C12orf57: variants seen among roughly 807,000 people sequenced by gnomAD.
C12orf57 encodes chromosome 12 open reading frame 57.
C12orf57 carries 14 observed loss-of-function variants against 11.3 expected under a neutral mutation model. The observed-to-expected ratio is 1.24, with a 90% confidence interval of 0.82 to 1.94. The LOEUF (loss-of-function observed/expected upper bound fraction) is 1.94, where lower values mean the gene tolerates loss of function less well. Among genes scored for constraint, C12orf57 ranks in the 30% most tolerant of loss-of-function variants. C12orf57 has a pLI of 0.00. For missense variants in C12orf57, 229 were observed against 172.4 expected, an observed-to-expected ratio of 1.33 and a Z score of -1.84; for synonymous variants, 100 against 74.6, an observed-to-expected ratio of 1.34 and a Z score of -1.76.
intron 1 of C12orf57, 78 bp downstream of exon 1, chr12:6,944,251 CG>C: frequency 6.2e-7 from 1 of 1,609,202 alleles, no homozygotes; most frequent in East Asian, 2.2e-5. Context: ...GGGGAGGATG[CG>C]GGCGGAGGAT....
Position 6,944,431 on chromosome 12 carries a change from CGACGCCTACCCGG to C in C12orf57, c.53-37_53-25del, listed in dbSNP as rs782219225. ...TCCGCTGGGCCCGCTGTCTGTTCTC[CGACGCCTACCCGG>C]GACGCCTCCCTGGGATGCTTCTGGC... On this transcript the variant is annotated intron_variant, in intron 1 of 2. Coordinates refer to ENST00000229281, the MANE Select transcript of C12orf57 (RefSeq NM_138425.4). 10 of 1,592,776 alleles carry C rather than the reference CGACGCCTACCCGG, an allele frequency of 6.3e-6. No individual in the cohort carries two copies. In the African/African-American group the frequency reaches 1.3e-4, roughly 21 times the overall value.
intron 1 of C12orf57, 34 bp downstream of exon 1, chr12:6,944,207 G>A (rs781852257): frequency 7.7e-6 from 12 of 1,565,796 alleles, no homozygotes; most frequent in South Asian, 1.1e-5. Flanking sequence ...ATAGGCTGCT[G>A]GCCTGGGGTA....
rs1774911967 is a variant in C12orf57 at position 6,945,960 on chromosome 12, A to G, written c.*38A>G. The stretch of plus-strand genomic sequence containing the variant: ...CCTTGTGCCACTGCCAGGGGAGGAA[A>G]GGCCTTGATGTTCCAGACAATAATA... On this transcript the variant is annotated 3_prime_UTR_variant, in exon 3 of 3. Coordinates refer to ENST00000229281, the MANE Select transcript of C12orf57 (RefSeq NM_138425.4). 6.3e-7 allele frequency: 1 copy of G among 1,592,478 alleles called. No homozygotes were observed. The highest frequency in any genetic ancestry group is 1.1e-5 in the South Asian group (1 of 89,010).
chr12:6,944,043 T>A lies in C12orf57; in HGVS notation c.-79T>A. Reference sequence around the variant, plus strand: ...GTTTCCTTTCCGCTCCCAGGGGCGTTGGGAACGGTTGTAGGACGTGGCTCT... The same window carrying A: ...GTTTCCTTTCCGCTCCCAGGGGCGTAGGGAACGGTTGTAGGACGTGGCTCT... On this transcript the variant is annotated 5_prime_UTR_variant, in exon 1 of 3. Transcript: ENST00000229281. The A allele has an allele frequency of 6.2e-7, 1 of 1,611,556 alleles. No individual in the cohort carries two copies. Among genetic ancestry groups the A allele is most frequent in the Non-Finnish European group, 8.5e-7 (1 of 1,179,794 alleles).
Position 6,945,734 on chromosome 12 carries a change from C to T in C12orf57, c.230-37C>T, listed in dbSNP as rs1555146463. On this transcript the variant is annotated intron_variant, in intron 2 of 2. Transcript: ENST00000229281. ...TCCAGGTGTCTTAGGCACGCTGGTCCTTAGGAGAAGGGTTGACCTTCCACT... is the reference window on the plus strand; with the variant it reads ...TCCAGGTGTCTTAGGCACGCTGGTCTTTAGGAGAAGGGTTGACCTTCCACT... The T allele has an allele frequency of 7.5e-6, 12 of 1,609,190 alleles. No individual in the cohort carries two copies. In the East Asian group the frequency reaches 2.5e-4, roughly 33 times the overall value.
At chr12:6,944,014 T>C, upstream of C12orf57, 12 of 1,603,372 alleles carry the variant, frequency 7.5e-6, no homozygotes, top group South Asian at 1.1e-5. Context: ...CTGCGCCGGA[T>C]GCTGTTTCCT....
In C12orf57 at chr12:6,944,155, A is replaced by G. The variant is rs2138233906; in HGVS notation, c.34A>G (p.Ser12Gly). 1 of 1,614,204 alleles carries G rather than the reference A, an allele frequency of 6.2e-7. No individual in the cohort carries two copies. ...CGCCTCGACCCAACCGGCGGCCTTG[A>G]GCGCTGAGCAAGCAAAGGGTGAGAA... ...ASASTQPAAL[S>G]AEQAKVVLAE... The change falls in exon 1 of 3, where the codon AGC becomes GGC. Residue 12 changes from serine to glycine, a missense_variant. By Grantham distance (56) the Ser-to-Gly change is moderately conservative. Transcript: ENST00000229281.
At chr12:6,944,002 G>C (rs1190034756), upstream of C12orf57, 47 of 1,591,026 alleles carry the variant, frequency 3.0e-5, no homozygotes, top group African/African-American at 1.5e-4. Flanking sequence ...GGGCGCTTCC[G>C]GCTGCGCCGG....
At position 6,944,505 on chromosome 12, in the gene C12orf57, T is replaced by A; in HGVS notation, c.82T>A (p.Ser28Thr). The change falls in exon 2 of 3, where the codon TCC (serine) becomes ACC (threonine). Residue 28 changes from serine to threonine, a missense_variant. Physicochemically the swap from Ser to Thr is moderately conservative, Grantham distance 58. Coordinates refer to ENST00000229281, the MANE Select transcript of C12orf57 (RefSeq NM_138425.4). Reference protein sequence around the residue: ...VVLAEVIQAFSAPENAVRMDE... With the variant: ...VVLAEVIQAFTAPENAVRMDE... ...CCTCGCGGAGGTGATCCAGGCGTTC[T>A]CCGCCCCGGAGAATGCAGTGCGCAT... 1 of 1,613,240 alleles carries A rather than the reference T, an allele frequency of 6.2e-7. No homozygotes were observed. The highest frequency in any genetic ancestry group is 8.5e-7 in the Non-Finnish European group (1 of 1,179,992).
upstream of C12orf57, chr12:6,943,602 C>G (rs2138228066): frequency 7.8e-7 from 1 of 1,289,748 alleles, no homozygotes; most frequent in South Asian, 1.2e-5. Context: ...CCAATCAGCA[C>G]CGAACTCATT....
upstream of C12orf57, chr12:6,943,878 T>C (rs998478110): frequency 6.0e-6 from 6 of 996,656 alleles, no homozygotes; most frequent in African/African-American, 9.9e-5. Flanking sequence ...GGAAAGCCCC[T>C]CTTATGATGT....
chr12:6,943,482 C>T, upstream of C12orf57: 1 of 1,266,946 alleles, frequency 7.9e-7, no homozygotes, highest in Non-Finnish European at 1.0e-6. Flanking sequence ...CATCAATAGA[C>T]AAGGCCTTTA....
chr12:6,945,712 A>C, intron 2 of C12orf57, 59 bp from the exon 3 acceptor site: 2 of 1,574,082 alleles, frequency 1.3e-6, no homozygotes, highest in Non-Finnish European at 1.7e-6. Context: ...CACCCCCTCC[A>C]GGTGTCTTAG....
At chr12:6,944,793 C>G (rs1025777868) in intron 2 of C12orf57, 141 bp downstream of exon 2, 4 of 1,508,158 alleles carry the variant, frequency 2.7e-6, no homozygotes, top group African/African-American at 1.4e-5. Context: ...ACATTCTTGG[C>G]ACTCAGAGCC....
In C12orf57 at chr12:6,944,079, G is replaced by GT. The variant is rs782481152; in HGVS notation, c.-39dup. On this transcript the variant is annotated 5_prime_UTR_variant, in exon 1 of 3. Coordinates refer to ENST00000229281, the MANE Select transcript of C12orf57 (RefSeq NM_138425.4). ...GTAGGACGTGGCTCTTTATTCGTGA[G>GT]TTTTCCATTTACCTCCGCTGAACCT... 1.4e-5 allele frequency: 23 copies of GT among 1,613,854 alleles called. No individual in the cohort carries two copies. The highest frequency in any genetic ancestry group is 4.4e-5 in the South Asian group (4 of 91,090).
chr12:6,945,745 G>A (rs373947491), intron 2 of C12orf57, 26 bp from the exon 3 acceptor site: 4 of 1,611,672 alleles, frequency 2.5e-6, no homozygotes, highest in East Asian at 2.2e-5. Context: ...TTAGGAGAAG[G>A]GTTGACCTTC....
chr12:6,944,722 C>A (rs782122535), intron 2 of C12orf57, 70 bp downstream of exon 2: 3 of 1,596,146 alleles, frequency 1.9e-6, no homozygotes, highest in Non-Finnish European at 2.6e-6. Context: ...GGCGCCGGAT[C>A]TGTGGGCCCA....
chr12:6,944,467 G>T lies in C12orf57; in HGVS notation c.53-9G>T. On this transcript the variant is annotated splice_polypyrimidine_tract_variant and intron_variant, in intron 1 of 2. Transcript: ENST00000229281. ...CGGGACGCCTCCCTGGGATGCTTCT[G>T]GCGCGCAGTGGTCCTCGCGGAGGTG... 1 of 1,610,656 alleles carries T rather than the reference G, an allele frequency of 6.2e-7. No individual in the cohort carries two copies. The highest frequency in any genetic ancestry group is 8.5e-7 in the Non-Finnish European group (1 of 1,179,282).
At chr12:6,943,671 C>A, upstream of C12orf57, 1 of 1,284,414 alleles carries the variant, frequency 7.8e-7, no homozygotes. Flanking sequence ...AAGTAAGTTC[C>A]TTAGAATATT....
Sources: gnomAD v4.1 joint callset for allele counts on GRCh38, gnomAD v4.1.1 for gene constraint, MANE v1.5 for transcripts, NCBI Gene and HGNC (gene_info 2026-07-23, HGNC 2026-07-21) for gene names.